The following UGT1A10 variants were observed in gnomAD, a reference collection of about 807,000 sequenced individuals.
The protein encoded by UGT1A10 is UDP glucuronosyltransferase family 1 member A10.
UGT1A10 carries 49 observed loss-of-function variants against 45.8 expected under a neutral mutation model. The ratio of observed to expected loss-of-function variants is 1.07; its 90% CI spans 0.85 to 1.36. UGT1A10 has a LOEUF of 1.36. UGT1A10 is among the 40% of genes most tolerant of loss of function. The pLI, the probability that UGT1A10 is intolerant of heterozygous loss-of-function variation, is 0.00. For missense variants in UGT1A10, 745 were observed against 668.6 expected (o/e 1.11, Z -1.26); for synonymous variants, 284 against 249.7 (o/e 1.14, Z -1.29).
At chr2:233,728,241 AG>A (rs2077692847) in intron 1 of UGT1A10, among the ~76,000 whole-genome samples, 1 of 152,098 alleles carries the variant, frequency 6.6e-6, no homozygotes, top group Non-Finnish European at 1.5e-5. Context: ...GATGAAATAA[AG>A]GCCTGGATGA....
intron 1 of UGT1A10, chr2:233,671,712 T>C: frequency 1.0e-6 from 1 of 989,560 alleles, no homozygotes; most frequent in Non-Finnish European, 1.4e-6. Flanking sequence ...GCAAAGACCA[T>C]AAGCTACTGT....
rs1437497782 is a variant in UGT1A10 at position 233,724,378 on chromosome 2, G to T, written c.856-42656G>T. Among the ~76,000 whole-genome samples the T allele has an allele frequency of 2.7e-3, 397 of 146,668 alleles. 3 individuals carry two copies. Among genetic ancestry groups the T allele is most frequent in the African/African-American group, 9.7e-3 (383 of 39,674 alleles). ...CCCTCCCGGACGGGGTGGCTGCCGG[G>T]CGGAGACGCTCCTCACTTCCCAGAT... On this transcript the variant is annotated intron_variant, in intron 1 of 4. Transcript: ENST00000344644.
chr2:233,677,022 T>G (rs2074379355), intron 1 of UGT1A10, among the ~76,000 whole-genome samples: 1 of 152,140 alleles, frequency 6.6e-6, no homozygotes, highest in African/African-American at 2.4e-5. Flanking sequence ...TTGCTTTTGC[T>G]ATTGGAGGTC....
At chr2:233,767,785 G>C (rs1699483415) in intron 2 of UGT1A10, 64 bp from the exon 3 acceptor site, 2 of 1,613,510 alleles carry the variant, frequency 1.2e-6, no homozygotes, top group Non-Finnish European at 1.7e-6. Flanking sequence ...AGTTAGTATA[G>C]CAGATTTGTT....
intron 1 of UGT1A10, among the ~76,000 whole-genome samples, chr2:233,756,740 T>G (rs1165580582): frequency 6.6e-6 from 1 of 152,136 alleles, no homozygotes; most frequent in Non-Finnish European, 1.5e-5. Flanking sequence ...CTTCACCTCC[T>G]CCTTATTCTC....
At chr2:233,667,456 C>A (rs1238439419) in intron 1 of UGT1A10, among the ~76,000 whole-genome samples, 1 of 152,184 alleles carries the variant, frequency 6.6e-6, no homozygotes, top group Non-Finnish European at 1.5e-5. Context: ...CATTACCATT[C>A]AGGACATAGG....
intron 1 of UGT1A10, among the ~76,000 whole-genome samples, chr2:233,638,609 C>G (rs1033576783): frequency 6.6e-6 from 1 of 152,126 alleles, no homozygotes; most frequent in African/African-American, 2.4e-5. Context: ...AGATTCTTGG[C>G]AAACGCATAG....
At chr2:233,747,905 T>G in intron 1 of UGT1A10, 2 of 1,613,538 alleles carry the variant, frequency 1.2e-6, no homozygotes, top group Non-Finnish European at 1.7e-6. Flanking sequence ...CTGCTCCTTA[T>G]GCAAGCCTTG....
At chr2:233,664,682 A>G (rs2074038193) in intron 1 of UGT1A10, among the ~76,000 whole-genome samples, 1 of 152,194 alleles carries the variant, frequency 6.6e-6, no homozygotes. Flanking sequence ...CAAGGACAAC[A>G]CAAAGCCATG....
intron 1 of UGT1A10, chr2:233,693,780 T>C (rs2125556695): frequency 1.2e-6 from 2 of 1,614,220 alleles, no homozygotes; most frequent in East Asian, 2.2e-5. Context: ...AGATATGACT[T>C]TGTGCTTGAA....
At chr2:233,756,376 A>G (rs1276716775) in intron 1 of UGT1A10, 1 of 152,194 alleles carries the variant, frequency 6.6e-6, no homozygotes, top group Non-Finnish European at 1.5e-5. Flanking sequence ...ATGCTATGTA[A>G]ATAGTTGTTT....
At chr2:233,766,637 C>G (rs1389389579) in intron 1 of UGT1A10, among the ~76,000 whole-genome samples, 2 of 152,186 alleles carry the variant, frequency 1.3e-5, no homozygotes, top group African/African-American at 4.8e-5. Flanking sequence ...TTCCCTACTT[C>G]CATATCATTT....
At chr2:233,674,575 T>G (rs1268622169) in intron 1 of UGT1A10, among the ~76,000 whole-genome samples, 1 of 152,192 alleles carries the variant, frequency 6.6e-6, no homozygotes, top group African/African-American at 2.4e-5. Flanking sequence ...TTATATCACC[T>G]ATGATAGAGG....
At chr2:233,733,983 C>A (rs1268250784) in intron 1 of UGT1A10, among the ~76,000 whole-genome samples, 1 of 151,994 alleles carries the variant, frequency 6.6e-6, no homozygotes, top group African/African-American at 2.4e-5. Context: ...GGAGGGATAG[C>A]ATTAGGAGAT....
At chr2:233,691,342 C>T (rs951166922) in intron 1 of UGT1A10, 24 of 985,412 alleles carry the variant, frequency 2.4e-5, no homozygotes, top group African/African-American at 3.5e-5. Context: ...GCTGAGTCTT[C>T]GCATGCCTTG....
intron 1 of UGT1A10, among the ~76,000 whole-genome samples, chr2:233,650,811 T>C (rs1485078932): frequency 1.3e-5 from 2 of 152,218 alleles, no homozygotes; most frequent in Admixed American, 6.5e-5. Context: ...AGTAAAAGTT[T>C]GTTTGGCACA....
chr2:233,756,076 G>T (rs915859102), intron 1 of UGT1A10: 19 of 152,212 alleles, frequency 1.2e-4, no homozygotes, highest in African/African-American at 2.4e-5. Flanking sequence ...GAATGACAAT[G>T]AGAAAATCAA....
In UGT1A10 at chr2:233,772,428, G is replaced by A. The variant is rs747543462; in HGVS notation, c.1462G>A (p.Val488Met). The change falls in exon 5 of 5, where the codon GTG becomes ATG. Residue 488 changes from valine (V) to methionine (M), a missense_variant. Coordinates refer to ENST00000344644, the MANE Select transcript of UGT1A10 (RefSeq NM_019075.4). ...CTGGTACCAGTACCATTCCTTGGAC[G>A]TGATTGGTTTCCTCTTGGCCGTCGT... The part of the protein sequence containing the change: ...LTWYQYHSLD[V>M]IGFLLAVVLT... 9 of 1,614,096 alleles carry A rather than the reference G, an allele frequency of 5.6e-6. No homozygotes were observed. The highest frequency in any genetic ancestry group is 3.3e-5 in the Admixed American group (2 of 60,006).
In UGT1A10 at chr2:233,772,329, G is replaced by T; in HGVS notation, c.1363G>T (p.Ala455Ser). The change falls in exon 5 of 5, where the codon GCC becomes TCC. Residue 455 changes from alanine to serine, a missense_variant. Coordinates refer to ENST00000344644, the MANE Select transcript of UGT1A10 (RefSeq NM_019075.4). Reference protein sequence around the residue: ...KDRPVEPLDLAVFWVEFVMRH... With the variant: ...KDRPVEPLDLSVFWVEFVMRH... ...CCGCCCGGTGGAGCCGCTGGACCTG[G>T]CCGTGTTCTGGGTGGAGTTTGTGAT... 6.2e-7 allele frequency: 1 copy of T among 1,614,164 alleles called. No individual in the cohort carries two copies. The highest frequency in any genetic ancestry group is 8.5e-7 in the Non-Finnish European group (1 of 1,180,030).
Sources: gnomAD v4.1 joint callset for allele counts (sites outside exome capture counted in the v4.1 genomes callset) on GRCh38, gnomAD v4.1.1 for gene constraint, MANE v1.5 for transcripts, NCBI Gene and HGNC (gene_info 2026-07-23, HGNC 2026-07-21) for gene names.